The following TENM3 variants were observed in gnomAD, a reference collection of about 807,000 sequenced individuals.
TENM3 encodes the protein teneurin-3.
In TENM3, 63 loss-of-function variants were observed where a neutral mutation model predicts 255.1. That is an observed-to-expected ratio of 0.25 (90% CI 0.20 to 0.30). The LOEUF is 0.30. Among genes scored for constraint, TENM3 ranks in the 10% least tolerant of loss-of-function variants. The pLI, the probability that TENM3 is intolerant of heterozygous loss-of-function variation, is 1.00. For synonymous variants in TENM3, 1,306 were observed against 1,322.3 expected (o/e 0.99, Z 0.27); for missense variants, 2,929 against 3,461.1 (o/e 0.85, Z 3.86).
At chr4:182,063,924 C>A in the TENM3 span, among the ~76,000 whole-genome samples, 1 of 152,154 alleles carries the variant, frequency 6.6e-6, no homozygotes, top group Non-Finnish European at 1.5e-5. Flanking sequence ...GGAAGGCATT[C>A]ATGGAGTTGG....
At chr4:181,627,946 C>A in the TENM3 span, among the ~76,000 whole-genome samples, 16 of 152,152 alleles carry the variant, frequency 1.1e-4, no homozygotes, top group African/African-American at 3.9e-4. Flanking sequence ...AGTTTACAGT[C>A]CCACCAACAG....
At chr4:181,801,692 AT>A in the TENM3 span, among the ~76,000 whole-genome samples, 4 of 141,228 alleles carry the variant, frequency 2.8e-5, no homozygotes, top group African/African-American at 1.1e-4. Flanking sequence ...ATATATATAT[AT>A]ATATGCAACA....
the TENM3 span, among the ~76,000 whole-genome samples, chr4:181,830,865 C>T: frequency 1.3e-5 from 2 of 151,702 alleles, no homozygotes; most frequent in Non-Finnish European, 2.9e-5. Flanking sequence ...AGCTTATCTA[C>T]GCTGACTGAA....
At chr4:182,111,189 C>CTTT in the TENM3 span, among the ~76,000 whole-genome samples, 3,316 of 80,374 alleles carry the variant, frequency 0.041, 153 homozygotes, top group East Asian at 0.19. Flanking sequence ...GTCTTCTTCT[C>CTTT]TTTTTTTTTT....
chr4:181,685,219 A>C, the TENM3 span, among the ~76,000 whole-genome samples: 3 of 152,034 alleles, frequency 2.0e-5, no homozygotes, highest in Non-Finnish European at 4.4e-5. Context: ...GGAGATTTTT[A>C]TTTGTTTAAT....
chr4:181,630,667 C>T, the TENM3 span, among the ~76,000 whole-genome samples: 2 of 152,116 alleles, frequency 1.3e-5, no homozygotes, highest in Non-Finnish European at 2.9e-5. Flanking sequence ...GTTTCTTAAT[C>T]CTGAGTTCTA....
At chr4:181,774,003 G>GTTTTTTTTTTTT in the TENM3 span, among the ~76,000 whole-genome samples, 7 of 90,060 alleles carry the variant, frequency 7.8e-5, no homozygotes, top group Non-Finnish European at 1.1e-4. Context: ...TGGTGGCTGT[G>GTTTTTTTTTTTT]TTTTTTTTTT....
the TENM3 span, among the ~76,000 whole-genome samples, chr4:181,758,937 C>A: frequency 6.6e-6 from 1 of 152,156 alleles, no homozygotes; most frequent in Non-Finnish European, 1.5e-5. Flanking sequence ...ATTTAAAAAT[C>A]AATACCAACT....
chr4:182,360,469 T>C (rs544253625), intron 3 of TENM3, among the ~76,000 whole-genome samples: 38 of 145,134 alleles, frequency 2.6e-4, no homozygotes, highest in African/African-American at 9.4e-4. Context: ...CCTTTACCAT[T>C]ATGTAATGGC....
At chr4:182,637,569 T>A (rs953991546) in intron 5 of TENM3, among the ~76,000 whole-genome samples, 1 of 152,198 alleles carries the variant, frequency 6.6e-6, no homozygotes, top group Admixed American at 6.5e-5. Flanking sequence ...AATTCCAGTT[T>A]CTTCTTTAGT....
the TENM3 span, among the ~76,000 whole-genome samples, chr4:181,689,444 T>G: frequency 6.6e-6 from 1 of 152,100 alleles, no homozygotes; most frequent in Admixed American, 6.6e-5. Flanking sequence ...TTCAGGTCAG[T>G]GGGCACAGGA....
At chr4:182,280,935 A>G (rs2150269910) in intron 1 of TENM3, among the ~76,000 whole-genome samples, 1 of 152,342 alleles carries the variant, frequency 6.6e-6, no homozygotes, top group South Asian at 2.1e-4. Context: ...TTTGTAAACC[A>G]CTAGACTAGA....
the TENM3 span, among the ~76,000 whole-genome samples, chr4:181,529,198 G>A: frequency 2.0e-5 from 3 of 152,124 alleles, no homozygotes; most frequent in Non-Finnish European, 4.4e-5. Flanking sequence ...TGGAGCTTCT[G>A]CTCCCCTTAT....
the TENM3 span, among the ~76,000 whole-genome samples, chr4:181,564,676 C>G: frequency 6.6e-6 from 1 of 152,202 alleles, no homozygotes; most frequent in East Asian, 1.9e-4. Flanking sequence ...GAGCAATTCT[C>G]TGCCGTGAAA....
chr4:181,634,275 T>C, the TENM3 span, among the ~76,000 whole-genome samples: 1 of 152,226 alleles, frequency 6.6e-6, no homozygotes, highest in South Asian at 2.1e-4. Flanking sequence ...GTAAGAAATA[T>C]TGAAGTCATA....
At chr4:181,819,946 A>G in the TENM3 span, 1 of 151,960 alleles carries the variant, frequency 6.6e-6, no homozygotes, top group Non-Finnish European at 1.5e-5. Context: ...CTGGAACAAT[A>G]TTGCCTTTTC....
At position 182,665,895 on chromosome 4, in the gene TENM3, C is replaced by CA. The variant is rs1057473892; in HGVS notation, c.1112-7101dup. Among the ~76,000 whole-genome samples, 75 of 149,256 alleles carry CA rather than the reference C, an allele frequency of 5.0e-4. 1 individual carries two copies. Among genetic ancestry groups the CA allele is most frequent in the African/African-American group, 1.7e-3 (68 of 40,656 alleles). On this transcript the variant is annotated intron_variant, in intron 6 of 27. Coordinates refer to ENST00000511685, the MANE Select transcript of TENM3 (RefSeq NM_001080477.4). ...TGGGCGACAGACAGAGACTCTGTCT[C>CA]AAAAAAAAATAACACCTTCTGGAAA...
At chr4:181,861,514 C>A in the TENM3 span, among the ~76,000 whole-genome samples, 2 of 152,128 alleles carry the variant, frequency 1.3e-5, no homozygotes, top group East Asian at 3.9e-4. Flanking sequence ...CTAGAACTTG[C>A]TGAGTGTTTC....
intron 3 of TENM3, among the ~76,000 whole-genome samples, chr4:182,383,498 G>T (rs1767707109): frequency 1.1e-5 from 1 of 93,574 alleles, no homozygotes; most frequent in Admixed American, 1.2e-4. Context: ...GGAGACTCAG[G>T]GGTACAGGTG....
Sources: gnomAD v4.1 joint callset for allele counts (sites outside exome capture counted in the v4.1 genomes callset) on GRCh38, gnomAD v4.1.1 for gene constraint, MANE v1.5 for transcripts, NCBI Gene and HGNC (gene_info 2026-07-23, HGNC 2026-07-21) for gene names.